The following RCAN1 variants were observed in gnomAD, a reference collection of about 807,000 sequenced individuals.
RCAN1 encodes the protein regulator of calcineurin 1.
A neutral mutation model predicts 22.9 loss-of-function variants in RCAN1; 11 were observed. The ratio of observed to expected loss-of-function variants is 0.48; its 90% CI spans 0.30 to 0.79. The LOEUF (loss-of-function observed/expected upper bound fraction) is 0.79. Among genes scored for constraint, RCAN1 ranks in the 30% least tolerant of loss-of-function variants. RCAN1 has a pLI of 0.06. For synonymous variants in RCAN1, 136 were observed against 142.3 expected (o/e 0.96, Z 0.32); for missense variants, 291 against 337.8 (o/e 0.86, Z 1.09).
At chr21:34,584,944 T>C (rs1279382084) in intron 1 of RCAN1, among the ~76,000 whole-genome samples, 1 of 152,240 alleles carries the variant, frequency 6.6e-6, no homozygotes, top group East Asian at 1.9e-4. Flanking sequence ...CTGAGGGTCA[T>C]GTTTTGCTAT....
chr21:34,582,789 G>T (rs934676791), intron 1 of RCAN1, among the ~76,000 whole-genome samples: 4 of 152,162 alleles, frequency 2.6e-5, no homozygotes, highest in African/African-American at 4.8e-5. Flanking sequence ...AGCAAGAATG[G>T]GGAGGCTTCC....
chr21:34,613,923 C>T, intron 1 of RCAN1: 2 of 1,238,080 alleles, frequency 1.6e-6, no homozygotes, highest in Non-Finnish European at 2.1e-6. Flanking sequence ...TGGGGCATCT[C>T]TCAAAGACCG....
intron 1 of RCAN1, among the ~76,000 whole-genome samples, chr21:34,608,249 T>C (rs1238606336): frequency 6.6e-6 from 1 of 152,162 alleles, no homozygotes; most frequent in Non-Finnish European, 1.5e-5. Context: ...ATGAAACTGG[T>C]CCCTGGTACC....
At chr21:34,570,827 T>C (rs1241779494) in intron 1 of RCAN1, among the ~76,000 whole-genome samples, 3 of 152,176 alleles carry the variant, frequency 2.0e-5, no homozygotes, top group Admixed American at 6.5e-5. Flanking sequence ...TGCTAGAATA[T>C]CCTTTTTTTA....
At position 34,570,009 on chromosome 21, in the gene RCAN1, T is replaced by A. The variant is rs548708172; in HGVS notation, c.252+44751A>T. Among the ~76,000 whole-genome samples, 572 of 152,358 alleles carry A rather than the reference T, an allele frequency of 3.8e-3. 1 individual carries two copies. Among genetic ancestry groups the A allele is most frequent in the African/African-American group, 0.013 (546 of 41,582 alleles). ...AGGTAGTGGTGGGCCTGCCCATGGC[T>A]TCTTCTGGAAGCTGGTGGCACAGCC... On this transcript the variant is annotated intron_variant, in intron 1 of 3. Coordinates refer to ENST00000313806, the MANE Select transcript of RCAN1 (RefSeq NM_004414.7).
chr21:34,598,048 A>C (rs2300392), intron 1 of RCAN1, among the ~76,000 whole-genome samples: 31,696 of 152,152 alleles, frequency 0.21, 3,855 homozygotes, highest in East Asian at 0.46. Context: ...GATGGCTTAC[A>C]TAAGTAGAAT....
At chr21:34,569,077 C>A (rs908638916) in intron 1 of RCAN1, among the ~76,000 whole-genome samples, 3 of 152,202 alleles carry the variant, frequency 2.0e-5, no homozygotes, top group African/African-American at 7.2e-5. Context: ...AATGATCTCC[C>A]ACCAGGTCCC....
chr21:34,550,812 G>A (rs1366610316), intron 1 of RCAN1, among the ~76,000 whole-genome samples: 3 of 152,156 alleles, frequency 2.0e-5, no homozygotes, highest in Admixed American at 1.3e-4. Flanking sequence ...AAAAGCCTCT[G>A]AAAGAAAATG....
intron 1 of RCAN1, among the ~76,000 whole-genome samples, chr21:34,543,135 A>G (rs773315279): frequency 2.0e-5 from 3 of 152,222 alleles, no homozygotes; most frequent in Non-Finnish European, 4.4e-5. Context: ...TATGATCCAC[A>G]TAGGTGTGGG....
At chr21:34,609,082 AAGCC>A (rs1393608596) in intron 1 of RCAN1, among the ~76,000 whole-genome samples, 5 of 152,236 alleles carry the variant, frequency 3.3e-5, no homozygotes, top group African/African-American at 1.2e-4. Flanking sequence ...ACACAACATG[AAGCC>A]AACCCTTTCC....
chr21:34,575,819 C>T (rs150239633), intron 1 of RCAN1, among the ~76,000 whole-genome samples: 6 of 152,252 alleles, frequency 3.9e-5, no homozygotes, highest in East Asian at 1.9e-4. Context: ...GACGAGACAG[C>T]GGTGTGTTAA....
chr21:34,614,903 A>T lies in RCAN1; in HGVS notation c.109T>A (p.Ser37Thr). 7.0e-7 allele frequency: 1 copy of T among 1,426,712 alleles called. No individual in the cohort carries two copies. Among genetic ancestry groups the T allele is most frequent in the Non-Finnish European group, 9.2e-7 (1 of 1,083,706 alleles). The allele number at this position is 1,426,712 out of a possible 1,614,324, so 88.4% of individuals were successfully genotyped here. The change falls in exon 1 of 4, where the codon TCG becomes ACG. Residue 37 changes from serine to threonine, a missense_variant. Ser to Thr is a moderately conservative substitution (Grantham distance 58). Transcript: ENST00000313806. This position sits in a 1 kb window ranked among gnomAD's most constrained non-coding sequence, Gnocchi z 6.0. ...CCCTCGTCCGCCTCGGCCGCCCCCG[A>T]GAGGGGCGCGAAGGGCCGCAGCGTC... ...GVTLRPFAPL[S>T]GAAEADEGGG...
intron 3 of RCAN1, 123 bp downstream of exon 3, chr21:34,521,376 A>G (rs964614081): frequency 1.3e-6 from 2 of 1,558,952 alleles, no homozygotes; most frequent in African/African-American, 2.7e-5. Flanking sequence ...AATACAGAGA[A>G]GCTCACAAAA....
intron 1 of RCAN1, chr21:34,524,954 G>C (rs1984912706): frequency 7.0e-7 from 1 of 1,427,288 alleles, no homozygotes; most frequent in Admixed American, 2.6e-5. Flanking sequence ...CGGGTTTTGT[G>C]AATCTTTTTA....
At position 34,531,095 on chromosome 21, in the gene RCAN1, G is replaced by A. The variant is rs184800368; in HGVS notation, c.253-7385C>T. Among the ~76,000 whole-genome samples the A allele has an allele frequency of 3.7e-4, 56 of 152,284 alleles. No individual in the cohort carries two copies. In the South Asian group the frequency reaches 0.01, roughly 28 times the overall value. ...GGTTCTTATTCTCAACTTTTAAGAG[G>A]GATTAATATCAAATTCAGAGTTGTG... is the stretch of plus-strand genomic sequence containing the variant. On this transcript the variant is annotated intron_variant, in intron 1 of 3. Transcript: ENST00000313806.
At chr21:34,536,107 C>A (rs567788194) in intron 1 of RCAN1, among the ~76,000 whole-genome samples, 2 of 151,978 alleles carry the variant, frequency 1.3e-5, no homozygotes, top group Admixed American at 6.6e-5. Flanking sequence ...TAAAGGTTAA[C>A]CACCCCACTG....
At chr21:34,559,198 A>C (rs972112227) in intron 1 of RCAN1, 1 of 152,224 alleles carries the variant, frequency 6.6e-6, no homozygotes, top group Non-Finnish European at 1.5e-5. Context: ...GGCCAGGATT[A>C]GGGAAAAAAT....
intron 1 of RCAN1, chr21:34,613,886 T>C (rs1988746476): frequency 2.2e-6 from 3 of 1,384,016 alleles, no homozygotes; most frequent in Middle Eastern, 1.9e-4. Flanking sequence ...CTGAAAGCAC[T>C]GCTTTTTTTG....
intron 1 of RCAN1, chr21:34,525,207 C>T: frequency 6.4e-7 from 1 of 1,550,602 alleles, no homozygotes; most frequent in South Asian, 1.2e-5. Context: ...CTGGTGGATG[C>T]CTGCTCCACA....
Sources: allele counts gnomAD v4.1 joint callset (sites outside exome capture counted in the v4.1 genomes callset), GRCh38; gene constraint gnomAD v4.1.1; non-coding constraint Gnocchi (gnomAD v3.1); transcripts MANE v1.5; gene names NCBI Gene and HGNC (gene_info 2026-07-23, HGNC 2026-07-21).